PDE4A: variants seen among roughly 807,000 people sequenced by gnomAD.
The protein encoded by PDE4A is 3',5'-cyclic-AMP phosphodiesterase 4A.
Under a neutral mutation model 73.9 loss-of-function variants are expected in PDE4A, and 21 were observed. The observed-to-expected ratio is 0.28, with a 90% CI of 0.20 to 0.41. The LOEUF (loss-of-function observed/expected upper bound fraction) is 0.41. Ranked by LOEUF, PDE4A falls within the 10% of genes least tolerant of loss-of-function variation. PDE4A has a pLI of 1.00. For missense variants in PDE4A, 958 were observed against 1,211.4 expected, an observed-to-expected ratio of 0.79 and a Z score of 3.10; for synonymous variants, 463 against 505.4, an observed-to-expected ratio of 0.92 and a Z score of 1.13.
chr19:10,450,499 G>C, intron 4 of PDE4A, 104 bp from the exon 5 acceptor site: 1 of 1,480,770 alleles, frequency 6.8e-7, no homozygotes, highest in Non-Finnish European at 8.9e-7. Context: ...GACACGGTGA[G>C]TTTTCAGACA....
Position 10,462,127 on chromosome 19 carries a change from C to CT in PDE4A, c.1743+137dup, listed in dbSNP as rs946745406. ...GGCCCATCTTCCTGTGTCCTTCTTT[C>CT]TTTTTTTTTGTTTGTTTGTTTTTGA... On this transcript the variant is annotated intron_variant, in intron 13 of 14. Transcript: ENST00000380702. 579 of 729,738 alleles carry CT rather than the reference C, an allele frequency of 7.9e-4. 1 individual carries two copies. Among genetic ancestry groups the CT allele is most frequent in the South Asian group, 1.7e-3 (83 of 49,074 alleles). The allele number at this position is 729,738 out of a possible 1,614,324, so 45.2% of individuals were successfully genotyped here.
At chr19:10,443,900 G>A (rs753154945) in intron 1 of PDE4A, among the ~76,000 whole-genome samples, 35 of 151,570 alleles carry the variant, frequency 2.3e-4, no homozygotes, top group Admixed American at 1.9e-3. Flanking sequence ...CCAGCTACTC[G>A]GGAGGCTGAG....
intron 1 of PDE4A, among the ~76,000 whole-genome samples, chr19:10,438,462 C>G (rs2042894931): frequency 6.6e-6 from 1 of 152,026 alleles, no homozygotes; most frequent in Admixed American, 6.6e-5. Context: ...CACACCATTT[C>G]CCTATCTCCC....
chr19:10,465,726 G>T (rs2043357844), intron 14 of PDE4A, among the ~76,000 whole-genome samples: 1 of 76,038 alleles, frequency 1.3e-5, no homozygotes, highest in East Asian at 3.6e-4. Flanking sequence ...TTGAGATGAA[G>T]TCTCACTCTC....
chr19:10,448,778 C>A, intron 2 of PDE4A, 139 bp from the exon 3 acceptor site: 1 of 1,483,078 alleles, frequency 6.7e-7, no homozygotes, highest in Non-Finnish European at 9.0e-7. Context: ...CACCCTTATG[C>A]AGTACAAGTG....
upstream of PDE4A, chr19:10,416,897 T>G: frequency 6.5e-7 from 1 of 1,535,478 alleles, no homozygotes; most frequent in Non-Finnish European, 8.7e-7. Context: ...GCCCTGGCCC[T>G]GCCGACATGG....
In PDE4A at chr19:10,421,199, G is replaced by T. The variant is rs953408111; in HGVS notation, c.320+115G>T. 8.2e-6 allele frequency: 11 copies of T among 1,333,594 alleles called. No individual in the cohort carries two copies. The African/African-American group carries it at 1.5e-4, about 19-fold the overall frequency. The allele number at this position is 1,333,594 out of a possible 1,614,324, so 82.6% of individuals were successfully genotyped here. The stretch of plus-strand genomic sequence containing the variant: ...GCGGGTGGGGTCGGTTTGGCTGGCG[G>T]GGGCGGAGGGAATTCGGCTGCGGGG... On this transcript the variant is annotated intron_variant, in intron 1 of 14. Coordinates refer to ENST00000380702, the MANE Select transcript of PDE4A (RefSeq NM_001111307.2).
chr19:10,438,313 A>G (rs1044554856), intron 1 of PDE4A, among the ~76,000 whole-genome samples: 2 of 150,288 alleles, frequency 1.3e-5, no homozygotes, highest in Non-Finnish European at 3.0e-5. Context: ...GGGTTTCATC[A>G]TGTTGGCCGG....
chr19:10,453,692 A>G lies in PDE4A; in HGVS notation c.784-1137A>G, dbSNP rs1326388276. On this transcript the variant is annotated intron_variant, in intron 6 of 14. Transcript: ENST00000380702. This position sits in a 1 kb window ranked among gnomAD's most constrained non-coding sequence, Gnocchi z 4.6. ...TGTTGGGTTGTGTGTCTGAGCCCAGAGCTGCCTGATATTTTGGGGACATGT... is the reference window on the plus strand; with the variant it reads ...TGTTGGGTTGTGTGTCTGAGCCCAGGGCTGCCTGATATTTTGGGGACATGT... Among the ~76,000 whole-genome samples, 1 of 151,966 alleles carries G rather than the reference A, an allele frequency of 6.6e-6. No individual in the cohort carries two copies. Among genetic ancestry groups the G allele is most frequent in the Non-Finnish European group, 1.5e-5 (1 of 67,982 alleles).
At chr19:10,417,786 G>C, upstream of PDE4A, 1 of 1,561,186 alleles carries the variant, frequency 6.4e-7, no homozygotes, top group Non-Finnish European at 8.6e-7. Flanking sequence ...GGACCCTGGG[G>C]TCCCTCTGCC....
chr19:10,430,450 C>T (rs2042772217), intron 1 of PDE4A, among the ~76,000 whole-genome samples: 1 of 151,538 alleles, frequency 6.6e-6, no homozygotes, highest in Non-Finnish European at 1.5e-5. Flanking sequence ...GTGGGGTTGT[C>T]TCAGGGACAA....
rs2043203847 is a variant in PDE4A at position 10,458,249 on chromosome 19, CT to C, written c.1101+148del. The stretch of plus-strand genomic sequence containing the variant: ...TTGAGCCCATCTTGAGGCAAGCATG[CT>C]GGCTCTTTGTACCTCTGTATCATTC... On this transcript the variant is annotated intron_variant, in intron 8 of 14. Transcript: ENST00000380702. The surrounding 1 kb of genome is among the most constrained non-coding windows in gnomAD (Gnocchi z 4.6). 18 of 729,906 alleles carry C rather than the reference CT, an allele frequency of 2.5e-5. No individual in the cohort carries two copies. The East Asian group carries it at 4.8e-4, about 19-fold the overall frequency. The allele number at this position is 729,906 out of a possible 1,614,324, so 45.2% of individuals were successfully genotyped here. A position where few individuals can be genotyped will look rare whatever the true frequency, so the allele number is the denominator to read the frequency against.
rs769578488 is a variant in PDE4A, at chr19:10,461,512, G to C, written c.1466-14G>C. On this transcript the variant is annotated splice_polypyrimidine_tract_variant and intron_variant, in intron 11 of 14. Transcript: ENST00000380702. ...ACACGTGGGCCCTCCCCTGACCTCC[G>C]GGCTGGGCTGCAGATTCGGAGCTGG... is the stretch of plus-strand genomic sequence containing the variant. The C allele has an allele frequency of 1.9e-6, 3 of 1,613,142 alleles. No individual in the cohort carries two copies. The highest frequency in any genetic ancestry group is 2.2e-5 in the South Asian group (2 of 91,048).
rs560653500 is a variant in PDE4A at position 10,445,586 on chromosome 19, G to A, written c.321-632G>A. ...TGTTTGAGACCAGCCTGGCCAACAT[G>A]GTGGAACCCCATCTCTACTAAAAAT... On this transcript the variant is annotated intron_variant, in intron 1 of 14. Coordinates refer to ENST00000380702, the MANE Select transcript of PDE4A (RefSeq NM_001111307.2). 3.3e-5 allele frequency among the ~76,000 whole-genome samples: 5 copies of A among 152,046 alleles called. No homozygotes were observed. In the East Asian group the frequency reaches 9.8e-4, roughly 30 times the overall value.
At chr19:10,461,762 G>C (rs947176095) in intron 12 of PDE4A, 82 bp downstream of exon 12, 41 of 1,584,116 alleles carry the variant, frequency 2.6e-5, no homozygotes, top group Non-Finnish European at 5.1e-6. Context: ...CTGAGTCCCA[G>C]AGGAACCCTC....
intron 1 of PDE4A, among the ~76,000 whole-genome samples, chr19:10,432,226 G>A (rs1046062341): frequency 6.6e-6 from 1 of 151,386 alleles, no homozygotes; most frequent in African/African-American, 2.4e-5. Flanking sequence ...CCCCTGCAGG[G>A]GGAGGCAGAC....
intron 14 of PDE4A, among the ~76,000 whole-genome samples, chr19:10,466,444 CAA>C (rs367836712): frequency 6.3e-5 from 4 of 63,472 alleles, no homozygotes; most frequent in Non-Finnish European, 8.8e-5. Flanking sequence ...GACTCCGTCT[CAA>C]AAAAAAAAAA....
chr19:10,447,446 C>T (rs1490541981), intron 2 of PDE4A, among the ~76,000 whole-genome samples: 8 of 148,920 alleles, frequency 5.4e-5, no homozygotes, highest in African/African-American at 7.5e-5. Context: ...AGGATGGTCT[C>T]GATCTCCTGA....
In PDE4A at chr19:10,421,084, G is replaced by T; in HGVS notation, c.320G>T (p.Arg107Leu). The stretch of plus-strand genomic sequence containing the variant: ...GGCGCGGGCGGAGGCAGCAGCAGGC[G>T]GTAAGACTCCCCGCGGCGGATGCGC... Reference protein sequence around the residue: ...SGGAGGGSSRRFEAENGPTPS... With the variant: ...SGGAGGGSSRLFEAENGPTPS... The change falls in exon 1 of 15, where the codon CGC (arginine) becomes CTC (leucine). Residue 107 changes from arginine to leucine, a missense_variant and splice_region_variant. Physicochemically the swap from Arg to Leu is moderately radical, Grantham distance 102. This residue lies in a region of PDE4A where 570 missense variants were observed against 827.7 expected (regional missense o/e 0.69). Transcript: ENST00000380702. 1 of 1,370,984 alleles carries T rather than the reference G, an allele frequency of 7.3e-7. No individual in the cohort carries two copies. The highest frequency in any genetic ancestry group is 1.7e-5 in the South Asian group (1 of 58,668). The allele number at this position is 1,370,984 out of a possible 1,614,324, so 84.9% of individuals were successfully genotyped here.
Sources: allele counts gnomAD v4.1 joint callset (sites outside exome capture counted in the v4.1 genomes callset), GRCh38; gene constraint gnomAD v4.1.1; regional missense constraint gnomAD v4.1.1; non-coding constraint Gnocchi (gnomAD v3.1); transcripts MANE v1.5; gene names NCBI Gene and HGNC (gene_info 2026-07-23, HGNC 2026-07-21).